SBF2: variants seen among roughly 807,000 people sequenced by gnomAD.
SBF2 encodes myotubularin-related protein 13.
A neutral mutation model predicts 225.2 loss-of-function variants in SBF2; 112 were observed. That is an observed-to-expected ratio of 0.50 (90% CI 0.43 to 0.58). SBF2 has a LOEUF of 0.58. SBF2 is among the 20% of genes least tolerant of loss of function. SBF2 has a pLI of 0.00. For missense variants in SBF2, 1,996 were observed against 2,206.2 expected (o/e 0.90, Z 1.91); for synonymous variants, 763 against 773.3 (o/e 0.99, Z 0.22).
chr11:9,967,947 G>GTCTGTCTGTCTGTCTC (rs57976016), intron 14 of SBF2, among the ~76,000 whole-genome samples: 6 of 100,254 alleles, frequency 6.0e-5, no homozygotes, highest in African/African-American at 2.3e-4. Flanking sequence ...CTGTCTGTCT[G>GTCTGTCTGTCTGTCTC]TCTCTCTCTC....
intron 2 of SBF2, among the ~76,000 whole-genome samples, chr11:10,098,132 C>T (rs1310661016): frequency 1.3e-5 from 2 of 152,096 alleles, no homozygotes; most frequent in African/African-American, 4.8e-5. Flanking sequence ...CTCTCCTGTA[C>T]ATGGCACCCT....
intron 2 of SBF2, among the ~76,000 whole-genome samples, chr11:10,172,334 T>C (rs1409103288): frequency 6.6e-6 from 1 of 152,086 alleles, no homozygotes; most frequent in Non-Finnish European, 1.5e-5. Context: ...TGCTCTGTTT[T>C]CATTATTGTT....
chr11:9,787,587 C>T (rs368289214), intron 36 of SBF2, 47 bp downstream of exon 36: 4 of 1,526,394 alleles, frequency 2.6e-6, no homozygotes, highest in South Asian at 2.2e-5. Context: ...TGACTTAGCA[C>T]CCTCAGAAAG....
At position 10,171,674 on chromosome 11, in the gene SBF2, C is replaced by T. The variant is rs568892966; in HGVS notation, c.141+22228G>A. Among the ~76,000 whole-genome samples the T allele has an allele frequency of 5.7e-4, 86 of 152,168 alleles. No homozygotes were observed. In the South Asian group the frequency reaches 0.017, roughly 30 times the overall value. ...CATAGAATAAGGTTTGGAAGTATTC[C>T]CTCCTCCTCAATTTTTTGGAATAGT... is the stretch of plus-strand genomic sequence containing the variant. On this transcript the variant is annotated intron_variant, in intron 2 of 39. Coordinates refer to ENST00000256190, the MANE Select transcript of SBF2 (RefSeq NM_030962.4).
rs371286693 is a variant in SBF2, at chr11:9,780,576, G to A, written c.5452-60C>T. On this transcript the variant is annotated intron_variant, in intron 39 of 39. Transcript: ENST00000256190. ...GGGCAGGGCTGTTTTATGGATTTGG[G>A]TAAGTGGTAAATCAGTTCCTGTGAC... 3.8e-3 allele frequency: 5,279 copies of A among 1,398,640 alleles called. 27 individuals are homozygous for A. The highest frequency in any genetic ancestry group is 7.2e-3 in the Middle Eastern group (41 of 5,660). The allele number at this position is 1,398,640 out of a possible 1,614,324, so 86.6% of individuals were successfully genotyped here. A position where few individuals can be genotyped will look rare whatever the true frequency, so the allele number is the denominator to read the frequency against.
intron 17 of SBF2, among the ~76,000 whole-genome samples, chr11:9,863,173 G>A (rs1383655463): frequency 1.3e-5 from 2 of 152,198 alleles, no homozygotes; most frequent in Non-Finnish European, 2.9e-5. Flanking sequence ...GCATGGGACA[G>A]GATATGAAGA....
At chr11:9,904,539 A>T (rs905003471) in intron 16 of SBF2, among the ~76,000 whole-genome samples, 2 of 152,236 alleles carry the variant, frequency 1.3e-5, no homozygotes, top group African/African-American at 4.8e-5. Flanking sequence ...AGTAACTGAT[A>T]GTTCAAGCAG....
intron 2 of SBF2, among the ~76,000 whole-genome samples, chr11:10,103,644 C>A (rs2134979036): frequency 6.6e-6 from 1 of 152,294 alleles, no homozygotes; most frequent in Admixed American, 6.5e-5. Flanking sequence ...AAAACTCTAA[C>A]AGATGTTCTT....
intron 16 of SBF2, among the ~76,000 whole-genome samples, chr11:9,941,348 T>C (rs1480391731): frequency 6.6e-6 from 1 of 151,836 alleles, no homozygotes; most frequent in Non-Finnish European, 1.5e-5. Flanking sequence ...AAAAAAAAAT[T>C]ATCCCAAAGA....
chr11:9,956,625 C>A (rs1866190312), intron 16 of SBF2: 1 of 144,728 alleles, frequency 6.9e-6, no homozygotes, highest in East Asian at 2.1e-4. Context: ...CTGCTCTGGG[C>A]AGTTACACAA....
At chr11:10,026,501 C>T (rs949327631) in intron 6 of SBF2, among the ~76,000 whole-genome samples, 1 of 152,110 alleles carries the variant, frequency 6.6e-6, no homozygotes, top group African/African-American at 2.4e-5. Flanking sequence ...GAGGCCAAAG[C>T]AGGAGGACTG....
chr11:9,880,634 T>C (rs541307823), intron 17 of SBF2, among the ~76,000 whole-genome samples: 1 of 152,216 alleles, frequency 6.6e-6, no homozygotes, highest in African/African-American at 2.4e-5. Context: ...TCTTCTACAC[T>C]GCTCTAGTTT....
intron 33 of SBF2, among the ~76,000 whole-genome samples, chr11:9,794,470 G>A (rs1329252889): frequency 6.6e-6 from 1 of 151,330 alleles, no homozygotes; most frequent in Non-Finnish European, 1.5e-5. Flanking sequence ...TGCAAGACCA[G>A]CCTGGCCAAC....
intron 12 of SBF2, among the ~76,000 whole-genome samples, chr11:9,991,719 C>T (rs1241196024): frequency 6.6e-6 from 1 of 152,154 alleles, no homozygotes; most frequent in Non-Finnish European, 1.5e-5. Flanking sequence ...TTTTGAGTCA[C>T]ATCTGCCCTA....
At chr11:9,997,239 A>T (rs1947743638) in intron 9 of SBF2, among the ~76,000 whole-genome samples, 1 of 152,242 alleles carries the variant, frequency 6.6e-6, no homozygotes, top group Non-Finnish European at 1.5e-5. Flanking sequence ...TTAAGGCCTT[A>T]GTTCTAGTGA....
In SBF2 at chr11:10,035,184, C is replaced by T. The variant is rs549616065; in HGVS notation, c.280-4014G>A. ...AGAGATGGGGTTTCACCGTGTTAGC[C>T]AGGATAGTCTCGATCTCCTGACCTC... On this transcript the variant is annotated intron_variant, in intron 3 of 39. Coordinates refer to ENST00000256190, the MANE Select transcript of SBF2 (RefSeq NM_030962.4). Among the ~76,000 whole-genome samples the T allele has an allele frequency of 4.6e-5, 7 of 152,164 alleles. No individual in the cohort carries two copies. The South Asian group carries it at 1.0e-3, about 23-fold the overall frequency.
intron 13 of SBF2, among the ~76,000 whole-genome samples, chr11:9,972,330 TA>T (rs1248463028): frequency 6.6e-6 from 1 of 152,164 alleles, no homozygotes; most frequent in Non-Finnish European, 1.5e-5. Flanking sequence ...TACATTCATT[TA>T]AAAAATATGT....
chr11:10,230,265 A>G (rs535706355), intron 1 of SBF2, among the ~76,000 whole-genome samples: 5 of 152,238 alleles, frequency 3.3e-5, no homozygotes, highest in African/African-American at 1.2e-4. Context: ...TCTTTATCCA[A>G]TTTGCCAGTC....
At chr11:10,142,757 C>T (rs1326641207) in intron 2 of SBF2, among the ~76,000 whole-genome samples, 1 of 152,152 alleles carries the variant, frequency 6.6e-6, no homozygotes, top group African/African-American at 2.4e-5. Flanking sequence ...ACCACTGATA[C>T]TTAGCACTTC....
Sources: allele counts gnomAD v4.1 joint callset (sites outside exome capture counted in the v4.1 genomes callset), GRCh38; gene constraint gnomAD v4.1.1; transcripts MANE v1.5; gene names NCBI Gene and HGNC (gene_info 2026-07-23, HGNC 2026-07-21).